ROBO2: variants seen among roughly 807,000 people sequenced by gnomAD.
ROBO2 encodes roundabout homolog 2.
ROBO2 carries 53 observed loss-of-function variants against 160.8 expected under a neutral mutation model. The observed-to-expected ratio is 0.33, with a 90% CI of 0.26 to 0.41. The LOEUF is 0.41. Among genes scored for constraint, ROBO2 ranks in the 10% least tolerant of loss-of-function variants. The probability of loss-of-function intolerance (pLI) is 1.00; values close to 1 mark genes in which losing one functional copy is unlikely to be tolerated. For missense variants in ROBO2, 1,577 were observed against 1,722.4 expected, an observed-to-expected ratio of 0.92 and a Z score of 1.49; for synonymous variants, 664 against 611.7, an observed-to-expected ratio of 1.09 and a Z score of -1.26.
At position 76,213,681 on chromosome 3, in the gene ROBO2, A is replaced by T. The variant is rs192348887; in HGVS notation, c.109+276079A>T. 2.5e-4 allele frequency among the ~76,000 whole-genome samples: 38 copies of T among 152,314 alleles called. No homozygotes were observed. The East Asian group carries it at 7.3e-3, about 29-fold the overall frequency. ...GCACATGGAAAAACAATGCACATAAAGGTAGAAAATCAGGTTTTTGTGGTG... is the reference window on the plus strand; with the variant it reads ...GCACATGGAAAAACAATGCACATAATGGTAGAAAATCAGGTTTTTGTGGTG... On this transcript the variant is annotated intron_variant, in intron 2 of 26. Transcript: ENST00000487694.
At chr3:76,860,732 A>G (rs1577090066) in intron 2 of ROBO2, among the ~76,000 whole-genome samples, 1 of 152,094 alleles carries the variant, frequency 6.6e-6, no homozygotes, top group African/African-American at 2.4e-5. Flanking sequence ...TTTACTATAT[A>G]TAATCATACT....
At chr3:77,097,879 TA>T in intron 1 of ROBO2, 134 bp from the exon 2 acceptor site, 1 of 764,062 alleles carries the variant, frequency 1.3e-6, no homozygotes, top group Non-Finnish European at 2.0e-6. Flanking sequence ...ATGAGATGCA[TA>T]CACAAAACGA....
intron 2 of ROBO2, among the ~76,000 whole-genome samples, chr3:76,697,363 G>A (rs2092949452): frequency 6.6e-6 from 1 of 152,120 alleles, no homozygotes; most frequent in Admixed American, 6.5e-5. Context: ...TTACATTATA[G>A]TTGGGCACAG....
chr3:76,308,205 C>T lies in ROBO2; in HGVS notation c.109+370603C>T, dbSNP rs145079311. 3.4e-3 allele frequency among the ~76,000 whole-genome samples: 509 copies of T among 151,822 alleles called. 6 individuals are homozygous for T. Among genetic ancestry groups the T allele is most frequent in the Admixed American group, 0.024 (369 of 15,240 alleles). On this transcript the variant is annotated intron_variant, in intron 2 of 26. Transcript: ENST00000487694. ...CAGCCTGGCCAATATGGTGAAACCT[C>T]GTCACTACTAAAAATACAGACATTA...
intron 2 of ROBO2, among the ~76,000 whole-genome samples, chr3:77,145,769 C>T (rs2077071823): frequency 6.6e-6 from 1 of 152,096 alleles, no homozygotes; most frequent in Non-Finnish European, 1.5e-5. Context: ...CAGCAAATGC[C>T]ATGGTAAAAT....
intron 2 of ROBO2, among the ~76,000 whole-genome samples, chr3:76,050,712 G>A (rs2067626343): frequency 6.6e-6 from 1 of 152,080 alleles, no homozygotes; most frequent in Admixed American, 6.6e-5. Flanking sequence ...CTCCATACCT[G>A]ATGGCCAGAG....
chr3:76,965,294 T>G (rs1276383706), intron 2 of ROBO2, among the ~76,000 whole-genome samples: 1 of 152,246 alleles, frequency 6.6e-6, no homozygotes, highest in Non-Finnish European at 1.5e-5. Flanking sequence ...GGAGAGGAGC[T>G]GTGCTTTCGC....
At chr3:76,522,453 T>C (rs2081679167) in intron 2 of ROBO2, among the ~76,000 whole-genome samples, 1 of 152,186 alleles carries the variant, frequency 6.6e-6, no homozygotes, top group Admixed American at 6.5e-5. Context: ...AGGCAGTATT[T>C]GTAAAAATTA....
chr3:76,724,859 C>G (rs780811037), intron 2 of ROBO2, among the ~76,000 whole-genome samples: 1 of 152,050 alleles, frequency 6.6e-6, no homozygotes, highest in Non-Finnish European at 1.5e-5. Flanking sequence ...AGTGTCCTTA[C>G]GAGAGAGGCA....
intron 2 of ROBO2, among the ~76,000 whole-genome samples, chr3:76,520,275 A>AC (rs1395261455): frequency 6.6e-6 from 1 of 152,080 alleles, no homozygotes; most frequent in Admixed American, 6.5e-5. Flanking sequence ...ACATGGTGAA[A>AC]CCCCGTCTCT....
At chr3:77,205,063 C>T (rs889601507) in intron 2 of ROBO2, among the ~76,000 whole-genome samples, 25 of 152,136 alleles carry the variant, frequency 1.6e-4, no homozygotes, top group Non-Finnish European at 3.7e-4. Context: ...GAGTGGATGC[C>T]TGGGGCTCCA....
At chr3:76,701,954 CAG>C (rs2093054741) in intron 2 of ROBO2, among the ~76,000 whole-genome samples, 1 of 151,444 alleles carries the variant, frequency 6.6e-6, no homozygotes, top group African/African-American at 2.4e-5. Flanking sequence ...TAAACAGGCT[CAG>C]AGTCATATGA....
intron 2 of ROBO2, among the ~76,000 whole-genome samples, chr3:76,996,655 T>G (rs2061028846): frequency 6.6e-6 from 1 of 152,066 alleles, no homozygotes; most frequent in African/African-American, 2.4e-5. Flanking sequence ...CATCAGCCAT[T>G]TTAAATTCAA....
intron 2 of ROBO2, chr3:75,937,672 G>A: frequency 2.0e-6 from 2 of 991,170 alleles, no homozygotes; most frequent in Non-Finnish European, 1.4e-6. Context: ...TATTATGTGA[G>A]TCTTTGGTTC....
At chr3:77,409,112 T>TATATATATAC (rs1269666903) in intron 2 of ROBO2, among the ~76,000 whole-genome samples, 1 of 148,224 alleles carries the variant, frequency 6.7e-6, no homozygotes, top group African/African-American at 2.5e-5. Context: ...TGTATATATA[T>TATATATATAC]ATATATATAT....
At chr3:76,083,398 T>C (rs1559897428) in intron 2 of ROBO2, among the ~76,000 whole-genome samples, 1 of 152,122 alleles carries the variant, frequency 6.6e-6, no homozygotes, top group East Asian at 1.9e-4. Flanking sequence ...AAAATTCTGT[T>C]ATTCCAAAGT....
chr3:76,226,494 C>T (rs1051177118), intron 2 of ROBO2, among the ~76,000 whole-genome samples: 6 of 152,046 alleles, frequency 3.9e-5, no homozygotes, highest in African/African-American at 1.2e-4. Flanking sequence ...ATCTGAAAAT[C>T]GAGTAAGGAG....
At chr3:77,528,362 C>G (rs1476304678) in intron 6 of ROBO2, among the ~76,000 whole-genome samples, 2 of 151,530 alleles carry the variant, frequency 1.3e-5, no homozygotes, top group East Asian at 3.9e-4. Flanking sequence ...GCTTCAAAAG[C>G]TTCCTTCATG....
intron 2 of ROBO2, among the ~76,000 whole-genome samples, chr3:77,379,155 T>A (rs901884044): frequency 6.6e-6 from 1 of 151,950 alleles, no homozygotes; most frequent in African/African-American, 2.4e-5. Context: ...ACCATGTTGG[T>A]CAGGTTTGTC....
Sources: gnomAD v4.1 joint callset for allele counts (sites outside exome capture counted in the v4.1 genomes callset) on GRCh38, gnomAD v4.1.1 for gene constraint, MANE v1.5 for transcripts, NCBI Gene and HGNC (gene_info 2026-07-23, HGNC 2026-07-21) for gene names.